DNAH11: variants seen among roughly 807,000 people sequenced by gnomAD.
DNAH11 encodes the protein dynein axonemal heavy chain 11.
A neutral mutation model predicts 526.0 loss-of-function variants in DNAH11; 442 were observed. The ratio of observed to expected loss-of-function variants is 0.84; its 90% confidence interval spans 0.78 to 0.91. The LOEUF (loss-of-function observed/expected upper bound fraction) is 0.91, where lower values mean the gene tolerates loss of function less well. Ranked by LOEUF, DNAH11 falls within the 40% of genes least tolerant of loss-of-function variation. The probability of loss-of-function intolerance (pLI) is 0.00; values close to 1 mark genes in which losing one functional copy is unlikely to be tolerated. For missense variants in DNAH11, 6,989 were observed against 5,448.7 expected, an observed-to-expected ratio of 1.28 and a Z score of -8.90; for synonymous variants, 2,461 against 1,935.9, an observed-to-expected ratio of 1.27 and a Z score of -7.12.
chr7:21,754,783 C>A (rs987420242), intron 54 of DNAH11, among the ~76,000 whole-genome samples: 1 of 152,156 alleles, frequency 6.6e-6, no homozygotes, highest in Non-Finnish European at 1.5e-5. Context: ...ATGGTCAGCA[C>A]CATGACCTCT....
At chr7:21,709,880 GA>G (rs1240761211) in intron 40 of DNAH11, among the ~76,000 whole-genome samples, 1 of 152,118 alleles carries the variant, frequency 6.6e-6, no homozygotes, top group African/African-American at 2.4e-5. Context: ...AAACATTCTA[GA>G]TATATGCATC....
At chr7:21,726,006 A>G (rs555468127) in intron 45 of DNAH11, 22 bp downstream of exon 45, 18 of 1,525,504 alleles carry the variant, frequency 1.2e-5, no homozygotes, top group African/African-American at 5.6e-5. Context: ...GAACATAGCA[A>G]TTGTATTAGT....
chr7:21,786,706 C>A lies in DNAH11; in HGVS notation c.9680C>A (p.Ala3227Asp). Residue 3227 changes from alanine (A) to aspartate (D), a missense_variant, in exon 59 of 82, where the codon GCT becomes GAT. By Grantham distance (126) the Ala-to-Asp change is moderately radical (BLOSUM62 -2). Transcript: ENST00000409508. ...ACTGCAGCCGTGATGGTCCTTCTGG[C>A]TCCTCGGGGAAGAGTGCCCAAAGAC... ...NVTAAVMVLLAPRGRVPKDRS... is the reference protein window; with the variant it reads ...NVTAAVMVLLDPRGRVPKDRS... 6.2e-7 allele frequency: 1 copy of A among 1,613,908 alleles called. No individual in the cohort carries two copies. Among genetic ancestry groups the A allele is most frequent in the Non-Finnish European group, 8.5e-7 (1 of 1,179,806 alleles).
intron 36 of DNAH11, among the ~76,000 whole-genome samples, chr7:21,702,404 G>C (rs1054566819): frequency 6.6e-5 from 10 of 151,944 alleles, no homozygotes; most frequent in African/African-American, 2.4e-4. Flanking sequence ...GAGCTACTGA[G>C]TTAGCAGGTC....
intron 32 of DNAH11, among the ~76,000 whole-genome samples, chr7:21,685,646 C>T (rs1160756658): frequency 6.6e-6 from 1 of 152,130 alleles, no homozygotes; most frequent in Non-Finnish European, 1.5e-5. Flanking sequence ...AGACTTAAGT[C>T]AACTGTGTAT....
At chr7:21,637,577 A>G (rs1213601961) in intron 26 of DNAH11, 34 bp from the exon 27 acceptor site, 2 of 1,297,482 alleles carry the variant, frequency 1.5e-6, no homozygotes, top group East Asian at 2.5e-5. Context: ...AGATTGTTCT[A>G]ATATCCACGG....
chr7:21,774,075 A>G (rs967304573), intron 56 of DNAH11, 76 bp downstream of exon 56: 152 of 1,284,360 alleles, frequency 1.2e-4, no homozygotes, highest in Non-Finnish European at 1.5e-4. Context: ...TTGAAGCACT[A>G]CTAAATCCAT....
At chr7:21,594,018 TCACA>T (rs892178205) in intron 14 of DNAH11, among the ~76,000 whole-genome samples, 5 of 143,802 alleles carry the variant, frequency 3.5e-5, no homozygotes, top group Non-Finnish European at 4.6e-5. Flanking sequence ...ACACACACAC[TCACA>T]CACACTCTTT....
chr7:21,707,988 T>C (rs944169169), intron 40 of DNAH11, among the ~76,000 whole-genome samples, 153 bp downstream of exon 40: 1 of 152,228 alleles, frequency 6.6e-6, no homozygotes, highest in African/African-American at 2.4e-5. Context: ...TTATAATGTA[T>C]AAATTAAGAC....
chr7:21,822,178 A>AATTAATTATTTAT (rs1489707353), intron 65 of DNAH11, among the ~76,000 whole-genome samples: 12 of 152,226 alleles, frequency 7.9e-5, no homozygotes, highest in African/African-American at 2.4e-4. Flanking sequence ...TTTTAAAAAG[A>AATTAATTATTTAT]GTTTGATTTA....
chr7:21,619,422 T>TTGA (rs72657318), intron 24 of DNAH11, among the ~76,000 whole-genome samples, 200 bp downstream of exon 24: 1 of 152,184 alleles, frequency 6.6e-6, no homozygotes, highest in South Asian at 2.1e-4. Flanking sequence ...ATTGGTCTTG[T>TTGA]TGATGATGAT....
Position 21,787,487 on chromosome 7 carries a change from G to A in DNAH11, c.9828G>A (p.Leu3276=). ...TAAAAGTGGTGAATGAACACTATTT[G>A]AAAGACCCAGAGTTTAATCCAAACC... ...NCLKVVNEHY[L]KDPEFNPNLI... Residue 3276 remains leucine (L), a synonymous_variant, in exon 60 of 82, where the codon TTG becomes TTA. Coordinates refer to ENST00000409508, the MANE Select transcript of DNAH11 (RefSeq NM_001277115.2). 2 of 1,613,742 alleles carry A rather than the reference G, an allele frequency of 1.2e-6. No homozygotes were observed. The highest frequency in any genetic ancestry group is 1.7e-6 in the Non-Finnish European group (2 of 1,179,752).
chr7:21,736,764 G>A (rs1398824216), intron 46 of DNAH11, among the ~76,000 whole-genome samples: 1 of 152,158 alleles, frequency 6.6e-6, no homozygotes, highest in East Asian at 1.9e-4. Flanking sequence ...TGAGGTGGGA[G>A]GATTGCTTGA....
intron 6 of DNAH11, among the ~76,000 whole-genome samples, chr7:21,568,832 A>G (rs1488995841): frequency 1.3e-5 from 2 of 152,186 alleles, no homozygotes; most frequent in East Asian, 1.9e-4. Context: ...AGACACATTT[A>G]CTATAAAGAA....
At chr7:21,832,981 T>C (rs1361600306) in intron 65 of DNAH11, among the ~76,000 whole-genome samples, 1 of 152,210 alleles carries the variant, frequency 6.6e-6, no homozygotes, top group Non-Finnish European at 1.5e-5. Context: ...CCGCTTCTCA[T>C]GCATATGTGA....
intron 30 of DNAH11, among the ~76,000 whole-genome samples, chr7:21,665,217 T>C (rs1040517105): frequency 2.6e-5 from 4 of 152,104 alleles, no homozygotes; most frequent in Non-Finnish European, 5.9e-5. Context: ...TATTTAGATA[T>C]GTTCTGTTTT....
Position 21,864,561 on chromosome 7 carries a change from C to A in DNAH11, c.11400C>A (p.Asp3800Glu). The A allele has an allele frequency of 1.2e-6, 2 of 1,611,630 alleles. No homozygotes were observed. Among genetic ancestry groups the A allele is most frequent in the Non-Finnish European group, 1.7e-6 (2 of 1,178,790 alleles). The change falls in exon 70 of 82, where the codon GAC (aspartate) becomes GAA (glutamate). Residue 3800 changes from aspartate to glutamate, a missense_variant. Asp to Glu is a conservative substitution (Grantham distance 45, BLOSUM62 2). Coordinates refer to ENST00000409508, the MANE Select transcript of DNAH11 (RefSeq NM_001277115.2). ...TTTTGTTGAGAAAGAAAGAGATAGA[C>A]CCTCTTGAATTGGATTTCCTGCTTC... ...FQILLRKKEI[D>E]PLELDFLLRF...
rs374184211 is a variant in DNAH11, at chr7:21,683,637, A to G, written c.5461-147A>G. On this transcript the variant is annotated intron_variant, in intron 31 of 81. Transcript: ENST00000409508. ...TTTCTTATTAAGTATTTAACCATGT[A>G]TATGCTATTATAATTTGCAATAGCG... 2.1e-5 allele frequency: 16 copies of G among 747,750 alleles called. No homozygotes were observed. The East Asian group carries it at 2.4e-4, about 11-fold the overall frequency. The allele number at this position is 747,750 out of a possible 1,614,324, so 46.3% of individuals were successfully genotyped here.
intron 65 of DNAH11, among the ~76,000 whole-genome samples, chr7:21,819,110 T>G (rs1758118673): frequency 6.6e-6 from 1 of 152,224 alleles, no homozygotes; most frequent in Admixed American, 6.5e-5. Context: ...TCCTTATGCC[T>G]CTTCACACAA....
Sources: allele counts gnomAD v4.1 joint callset (sites outside exome capture counted in the v4.1 genomes callset), GRCh38; gene constraint gnomAD v4.1.1; transcripts MANE v1.5; gene names NCBI Gene and HGNC (gene_info 2026-07-23, HGNC 2026-07-21).